GRID2: variants seen among roughly 807,000 people sequenced by gnomAD.
The protein encoded by GRID2 is glutamate receptor ionotropic, delta-2.
GRID2 carries 33 observed loss-of-function variants against 114.8 expected under a neutral mutation model. The observed-to-expected ratio is 0.29, with a 90% CI of 0.22 to 0.38. The LOEUF (loss-of-function observed/expected upper bound fraction) is 0.38. Among genes scored for constraint, GRID2 ranks in the 10% least tolerant of loss-of-function variants. The pLI, the probability that GRID2 is intolerant of heterozygous loss-of-function variation, is 1.00. For missense variants in GRID2, 1,184 were observed against 1,257.7 expected (o/e 0.94, Z 0.89); for synonymous variants, 505 against 449.9 (o/e 1.12, Z -1.55).
At chr4:92,981,907 T>A (rs1754235026) in intron 2 of GRID2, among the ~76,000 whole-genome samples, 1 of 151,538 alleles carries the variant, frequency 6.6e-6, no homozygotes, top group Admixed American at 6.6e-5. Context: ...TTTTAAATTG[T>A]GCAATGTGGA....
At chr4:93,652,781 T>A (rs761363516) in intron 14 of GRID2, among the ~76,000 whole-genome samples, 1,755 of 57,166 alleles carry the variant, frequency 0.031, 15 homozygotes, top group Non-Finnish European at 0.037. Context: ...ATGCAGTAAA[T>A]GCTAAAAAAA....
chr4:93,547,816 A>G (rs1733366368), intron 13 of GRID2, among the ~76,000 whole-genome samples: 1 of 152,162 alleles, frequency 6.6e-6, no homozygotes, highest in Admixed American at 6.5e-5. Flanking sequence ...ACTGTCTGAA[A>G]TGCCATTATA....
chr4:93,000,679 A>G lies in GRID2; in HGVS notation c.245-84316A>G, dbSNP rs549735093. Among the ~76,000 whole-genome samples, 137 of 151,720 alleles carry G rather than the reference A, an allele frequency of 9.0e-4. No individual in the cohort carries two copies. In the South Asian group the frequency reaches 0.028, roughly 31 times the overall value. On this transcript the variant is annotated intron_variant, in intron 2 of 15. Transcript: ENST00000282020. ...CAATTTACCTATAATATTTTTCTAT[A>G]TATGTTTCATACTTTGTTAAACCAT...
chr4:93,404,667 G>A (rs1419046278), intron 9 of GRID2, among the ~76,000 whole-genome samples: 1 of 152,104 alleles, frequency 6.6e-6, no homozygotes, highest in Non-Finnish European at 1.5e-5. Context: ...CTTATGCACA[G>A]ACTGTTAAGG....
chr4:92,616,934 T>C (rs988109403), intron 2 of GRID2, among the ~76,000 whole-genome samples: 9 of 151,672 alleles, frequency 5.9e-5, no homozygotes, highest in African/African-American at 1.7e-4. Context: ...TAATGGCATA[T>C]ATTTATGGGG....
intron 14 of GRID2, among the ~76,000 whole-genome samples, chr4:93,748,551 T>G (rs1732043406): frequency 6.6e-6 from 1 of 152,188 alleles, no homozygotes; most frequent in African/African-American, 2.4e-5. Flanking sequence ...CTAGAGCTAT[T>G]TCTTCTAGTA....
chr4:93,199,329 A>T (rs6851719), intron 4 of GRID2, among the ~76,000 whole-genome samples: 1 of 152,114 alleles, frequency 6.6e-6, no homozygotes, highest in East Asian at 1.9e-4. Flanking sequence ...ATCACTGTTC[A>T]ATCTTTGTTC....
intron 1 of GRID2, among the ~76,000 whole-genome samples, chr4:92,480,802 A>G (rs1722551986): frequency 6.6e-6 from 1 of 152,132 alleles, no homozygotes. Flanking sequence ...GCCATCCCTC[A>G]ACCTACTTCA....
intron 1 of GRID2, among the ~76,000 whole-genome samples, chr4:92,456,438 C>T (rs905928972): frequency 2.0e-5 from 3 of 151,972 alleles, no homozygotes; most frequent in South Asian, 2.1e-4. Context: ...AGACTTGATA[C>T]GTGAGAGACT....
At chr4:92,463,744 A>G (rs1721608511) in intron 1 of GRID2, among the ~76,000 whole-genome samples, 1 of 151,958 alleles carries the variant, frequency 6.6e-6, no homozygotes, top group Admixed American at 6.6e-5. Flanking sequence ...GGTCAAGAAT[A>G]TTGGGATTTA....
chr4:93,244,531 TATAATCTATTA>T, intron 8 of GRID2, among the ~76,000 whole-genome samples: 1 of 30,114 alleles, frequency 3.3e-5, no homozygotes, highest in African/African-American at 2.1e-4. Context: ...TAATAGATTA[TATAATCTATTA>T]ATTAATAGAT....
intron 9 of GRID2, among the ~76,000 whole-genome samples, chr4:93,398,722 T>C (rs1358907161): frequency 6.6e-6 from 1 of 151,480 alleles, no homozygotes; most frequent in Admixed American, 6.6e-5. Flanking sequence ...TTGAATATGG[T>C]TTTGTGACTG....
intron 3 of GRID2, among the ~76,000 whole-genome samples, chr4:93,099,927 T>A (rs1190537873): frequency 1.3e-5 from 2 of 151,918 alleles, no homozygotes; most frequent in Non-Finnish European, 2.9e-5. Context: ...TGTTTATGAT[T>A]ACCCAGAGAG....
intron 13 of GRID2, among the ~76,000 whole-genome samples, chr4:93,539,704 A>G (rs1176006859): frequency 1.3e-5 from 2 of 151,988 alleles, no homozygotes; most frequent in Non-Finnish European, 2.9e-5. Context: ...TATTTGCAGT[A>G]TTGGTTGGGA....
chr4:93,055,521 A>C (rs974789773), intron 2 of GRID2, among the ~76,000 whole-genome samples: 4 of 151,954 alleles, frequency 2.6e-5, no homozygotes, highest in Non-Finnish European at 4.4e-5. Flanking sequence ...AAGTATAATT[A>C]AACAACAACA....
chr4:92,832,301 A>C (rs1742163073), intron 2 of GRID2, among the ~76,000 whole-genome samples: 2 of 152,118 alleles, frequency 1.3e-5, no homozygotes, highest in South Asian at 2.1e-4. Flanking sequence ...ATAAAAAATA[A>C]AATTAGCCAA....
intron 12 of GRID2, among the ~76,000 whole-genome samples, chr4:93,507,658 T>C (rs1382954669): frequency 6.6e-6 from 1 of 152,222 alleles, no homozygotes; most frequent in East Asian, 1.9e-4. Context: ...ACTCAGTTCA[T>C]GTACCCCTTA....
At chr4:93,766,681 A>T (rs922564722) in intron 14 of GRID2, among the ~76,000 whole-genome samples, 8 of 152,190 alleles carry the variant, frequency 5.3e-5, no homozygotes, top group African/African-American at 2.4e-5. Context: ...ACTCAAATTT[A>T]AAAAGAATTA....
chr4:93,097,154 G>A (rs899026170), intron 3 of GRID2, among the ~76,000 whole-genome samples: 7 of 151,860 alleles, frequency 4.6e-5, no homozygotes, highest in East Asian at 1.9e-4. Flanking sequence ...TCTGGAAAGC[G>A]ACACAAAATA....
Sources: gnomAD v4.1 joint callset for allele counts (sites outside exome capture counted in the v4.1 genomes callset) on GRCh38, gnomAD v4.1.1 for gene constraint, MANE v1.5 for transcripts, NCBI Gene and HGNC (gene_info 2026-07-23, HGNC 2026-07-21) for gene names.